CAP2: variants seen among roughly 807,000 people sequenced by gnomAD.
CAP2 encodes the protein adenylyl cyclase-associated protein 2.
In CAP2, 24 loss-of-function variants were observed where a neutral mutation model predicts 57.7. The observed-to-expected ratio is 0.42, with a 90% CI of 0.30 to 0.58. The LOEUF (loss-of-function observed/expected upper bound fraction) is 0.58. Among genes scored for constraint, CAP2 ranks in the 20% least tolerant of loss-of-function variants. CAP2 has a pLI of 0.22. For synonymous variants in CAP2, 194 were observed against 207.2 expected, an observed-to-expected ratio of 0.94 and a Z score of 0.55; for missense variants, 501 against 590.3, an observed-to-expected ratio of 0.85 and a Z score of 1.57.
At chr6:17,551,120 AT>A (rs1180853488) in intron 11 of CAP2, among the ~76,000 whole-genome samples, 1 of 152,230 alleles carries the variant, frequency 6.6e-6, no homozygotes, top group African/African-American at 2.4e-5. Flanking sequence ...TGTTTCTTTT[AT>A]CATGAAATCA....
At chr6:17,423,582 A>G (rs1218114147) in intron 2 of CAP2, among the ~76,000 whole-genome samples, 1 of 152,242 alleles carries the variant, frequency 6.6e-6, no homozygotes, top group African/African-American at 2.4e-5. Flanking sequence ...AAACAAAGTT[A>G]AAATCTAACT....
In CAP2 at chr6:17,556,381, A is replaced by G. The variant is rs374386454; in HGVS notation, c.1373A>G (p.Gln458Arg). The G allele has an allele frequency of 2.5e-6, 4 of 1,613,352 alleles. No individual in the cohort carries two copies. The highest frequency in any genetic ancestry group is 2.5e-6 in the Non-Finnish European group (3 of 1,179,298). ...GDYREFPIPE[Q>R]FKTAWDGSKL... ...CAGAGAGAATTTCCCATTCCTGAACAGTTCAAGACAGCATGGGATGGATCC... is the reference window on the plus strand; with the variant it reads ...CAGAGAGAATTTCCCATTCCTGAACGGTTCAAGACAGCATGGGATGGATCC... The change falls in exon 13 of 13, where the codon CAG (glutamine) becomes CGG (arginine). Residue 458 changes from glutamine (Q) to arginine (R), a missense_variant. By Grantham distance (43) the Gln-to-Arg change is conservative (BLOSUM62 1). Transcript: ENST00000229922.
chr6:17,504,787 A>G (rs1448147708), intron 4 of CAP2, among the ~76,000 whole-genome samples: 1 of 152,204 alleles, frequency 6.6e-6, no homozygotes, highest in East Asian at 1.9e-4. Flanking sequence ...CATCCTTATT[A>G]CATGTGAATG....
chr6:17,538,002 T>C (rs1762813295), intron 7 of CAP2, among the ~76,000 whole-genome samples: 1 of 151,988 alleles, frequency 6.6e-6, no homozygotes. Context: ...GGGAGACTGA[T>C]GTTGTAGGGA....
At chr6:17,469,375 A>G (rs374063509) in intron 4 of CAP2, among the ~76,000 whole-genome samples, 1 of 152,042 alleles carries the variant, frequency 6.6e-6, no homozygotes, top group Admixed American at 6.6e-5. Context: ...CTAAGACCTG[A>G]CAGTGAAATG....
At chr6:17,546,800 T>G (rs923543065) in intron 11 of CAP2, among the ~76,000 whole-genome samples, 13 of 152,278 alleles carry the variant, frequency 8.5e-5, no homozygotes, top group Non-Finnish European at 1.8e-4. Context: ...TCACTACTCC[T>G]ATTCAACATA....
At chr6:17,532,675 G>A (rs1762673497) in intron 7 of CAP2, among the ~76,000 whole-genome samples, 1 of 150,412 alleles carries the variant, frequency 6.6e-6, no homozygotes, top group African/African-American at 2.4e-5. Flanking sequence ...TTGAACCCAG[G>A]AGGTAGAGGT....
intron 7 of CAP2, among the ~76,000 whole-genome samples, chr6:17,534,536 G>T (rs1762725564): frequency 6.6e-6 from 1 of 152,176 alleles, no homozygotes; most frequent in Non-Finnish European, 1.5e-5. Context: ...CCTACACAAG[G>T]TTTGCCCATC....
At chr6:17,533,572 C>CT (rs11398161) in intron 7 of CAP2, among the ~76,000 whole-genome samples, 19,047 of 139,244 alleles carry the variant, frequency 0.14, 1,491 homozygotes, top group East Asian at 0.23. Flanking sequence ...GCTTTTCTTT[C>CT]TTTTTTTTTT....
intron 4 of CAP2, among the ~76,000 whole-genome samples, chr6:17,467,386 T>G (rs1467715703): frequency 6.6e-6 from 1 of 152,230 alleles, no homozygotes; most frequent in Non-Finnish European, 1.5e-5. Context: ...GGGTACATAG[T>G]AGGCATATGT....
chr6:17,428,198 A>T (rs971813826), intron 3 of CAP2, among the ~76,000 whole-genome samples: 2 of 152,212 alleles, frequency 1.3e-5, no homozygotes, highest in Non-Finnish European at 2.9e-5. Flanking sequence ...ACAGAATTTG[A>T]TAATCTCTGG....
At chr6:17,534,714 C>T (rs1266475951) in intron 7 of CAP2, among the ~76,000 whole-genome samples, 1 of 152,172 alleles carries the variant, frequency 6.6e-6, no homozygotes, top group African/African-American at 2.4e-5. Flanking sequence ...TCGATGGGCA[C>T]CCAAGGCTGC....
chr6:17,439,235 G>A (rs1473431406), intron 3 of CAP2, among the ~76,000 whole-genome samples: 2 of 143,712 alleles, frequency 1.4e-5, no homozygotes, highest in African/African-American at 2.7e-5. Flanking sequence ...GGTGAATGAC[G>A]TTAAGGCATG....
Position 17,550,394 on chromosome 6 carries a change from C to CTTTT in CAP2, c.1210-1046_1210-1043dup, listed in dbSNP as rs10557884. On this transcript the variant is annotated intron_variant, in intron 11 of 12. Coordinates refer to ENST00000229922, the MANE Select transcript of CAP2 (RefSeq NM_006366.3). ...GTACCTGACCTTGAACTACCCCTGCCTTTTTTTTTTTTTTTTTTTTTTTTT... is the reference window on the plus strand; with the variant it reads ...GTACCTGACCTTGAACTACCCCTGCCTTTTTTTTTTTTTTTTTTTTTTTTTTTTT... Among the ~76,000 whole-genome samples, 41 of 52,046 alleles carry CTTTT rather than the reference C, an allele frequency of 7.9e-4. 11 individuals are homozygous for CTTTT. Among genetic ancestry groups the CTTTT allele is most frequent in the East Asian group, 2.9e-3 (4 of 1,386 alleles). 34.1% of individuals were successfully genotyped at this position (52,046 alleles called of 152,430 possible). A position where few individuals can be genotyped will look rare whatever the true frequency, so the allele number is the denominator to read the frequency against.
At chr6:17,450,869 T>A (rs1760382645) in intron 3 of CAP2, among the ~76,000 whole-genome samples, 2 of 152,224 alleles carry the variant, frequency 1.3e-5, no homozygotes, top group East Asian at 3.8e-4. Context: ...TTATTGCCCT[T>A]TTGATTTGTG....
chr6:17,488,053 T>C (rs937427971), intron 4 of CAP2, among the ~76,000 whole-genome samples: 2 of 152,024 alleles, frequency 1.3e-5, no homozygotes, highest in African/African-American at 2.4e-5. Flanking sequence ...GCCTCTCAAG[T>C]AGCAGGGACA....
intron 6 of CAP2, among the ~76,000 whole-genome samples, chr6:17,510,467 C>T (rs1389913871): frequency 6.6e-6 from 1 of 152,190 alleles, no homozygotes. Flanking sequence ...GTCTTCAGTG[C>T]GCCTCTTTTC....
intron 4 of CAP2, among the ~76,000 whole-genome samples, chr6:17,464,136 A>G (rs895206670): frequency 2.0e-5 from 3 of 152,222 alleles, no homozygotes; most frequent in African/African-American, 2.4e-5. Context: ...AGGGTTCATA[A>G]TAACAACTTT....
chr6:17,404,937 T>C (rs950803750), intron 1 of CAP2, among the ~76,000 whole-genome samples: 1 of 152,114 alleles, frequency 6.6e-6, no homozygotes, highest in Admixed American at 6.5e-5. Context: ...ATTGTATGAG[T>C]GTATATGTAT....
Sources: allele counts gnomAD v4.1 joint callset (sites outside exome capture counted in the v4.1 genomes callset), GRCh38; gene constraint gnomAD v4.1.1; transcripts MANE v1.5; gene names NCBI Gene and HGNC (gene_info 2026-07-23, HGNC 2026-07-21).